The following CPNE4 variants were observed in gnomAD, a reference collection of about 807,000 sequenced individuals.
CPNE4 encodes the protein copine 4, also known as copine-4.
CPNE4 carries 25 observed loss-of-function variants against 67.9 expected under a neutral mutation model. That is an observed-to-expected ratio of 0.37 (90% CI 0.27 to 0.51). The LOEUF (loss-of-function observed/expected upper bound fraction) is 0.51, where lower values mean the gene tolerates loss of function less well. Among genes scored for constraint, CPNE4 ranks in the 20% least tolerant of loss-of-function variants. The pLI, the probability that CPNE4 is intolerant of heterozygous loss-of-function variation, is 0.93. For missense variants in CPNE4, 464 were observed against 690.8 expected (o/e 0.67, Z 3.68); for synonymous variants, 242 against 244.9 (o/e 0.99, Z 0.11).
At chr3:131,721,423 TCTTGCTCTGTCACCCAGGCTGGAGCGCA>T (rs2081883800) in intron 3 of CPNE4, among the ~76,000 whole-genome samples, 1 of 116,724 alleles carries the variant, frequency 8.6e-6, no homozygotes, top group African/African-American at 3.4e-5. Context: ...TGAGACGGAG[TCTTGCTCTGTCACCCAGGCTGGAGCGCA>T]CTGGCACGAT....
At chr3:131,911,426 C>T (rs1270332480) in intron 1 of CPNE4, among the ~76,000 whole-genome samples, 1 of 152,076 alleles carries the variant, frequency 6.6e-6, no homozygotes, top group Non-Finnish European at 1.5e-5. Flanking sequence ...GTATTTCTGA[C>T]CTACAGAAAC....
intron 1 of CPNE4, among the ~76,000 whole-genome samples, chr3:131,921,247 G>C (rs2070732914): frequency 6.6e-6 from 1 of 152,322 alleles, no homozygotes; most frequent in South Asian, 2.1e-4. Context: ...TTAACTCTCA[G>C]GTCTCTCAGA....
intron 7 of CPNE4, among the ~76,000 whole-genome samples, chr3:131,617,767 G>A (rs1414686453): frequency 1.3e-5 from 2 of 152,130 alleles, no homozygotes; most frequent in Non-Finnish European, 2.9e-5. Flanking sequence ...GTTCCATTTG[G>A]AAGGTGGGAA....
chr3:131,685,781 A>ATC, intron 6 of CPNE4, 94 bp downstream of exon 6: 1 of 734,120 alleles, frequency 1.4e-6, no homozygotes, highest in Non-Finnish European at 2.3e-6. Context: ...ACTCCACCTC[A>ATC]ACACACACAC....
In CPNE4 at chr3:131,818,936, C is replaced by T. The variant is rs930669360; in HGVS notation, c.180+86328G>A. Among the ~76,000 whole-genome samples the T allele has an allele frequency of 2.6e-5, 4 of 152,066 alleles. 1 individual carries two copies. The highest frequency in any genetic ancestry group is 2.0e-4 in the Admixed American group (3 of 15,272). ...CCGACATGGTGAAACCCCATCTCTA[C>T]TAAAAATACAAAAATTAGCCAGGTG... is the stretch of plus-strand genomic sequence containing the variant. On this transcript the variant is annotated intron_variant, in intron 2 of 15. Transcript: ENST00000429747.
At chr3:131,575,010 G>A in intron 10 of CPNE4, 61 bp downstream of exon 10, 1 of 1,420,594 alleles carries the variant, frequency 7.0e-7, no homozygotes, top group East Asian at 2.3e-5. Context: ...CAAACCCAGT[G>A]CCACCCCTCA....
At chr3:131,574,952 G>A in intron 10 of CPNE4, 119 bp downstream of exon 10, 1 of 812,286 alleles carries the variant, frequency 1.2e-6, no homozygotes. Context: ...AATGAGACTT[G>A]AACAAAGCTG....
intron 2 of CPNE4, among the ~76,000 whole-genome samples, chr3:131,827,795 GAGC>G (rs2107986357): frequency 1.3e-5 from 2 of 152,084 alleles, no homozygotes; most frequent in South Asian, 4.2e-4. Flanking sequence ...ATTAAACATG[GAGC>G]AGATCCAGAT....
Position 131,875,693 on chromosome 3 carries a change from A to AG in CPNE4, c.180+29570dup, listed in dbSNP as rs565443092. The stretch of plus-strand genomic sequence containing the variant: ...CCCAGGCCTGTCCTGGGGTGGGGGG[A>AG]GGGGGGAGGGATAGCATTAGGAGAT... On this transcript the variant is annotated intron_variant, in intron 2 of 15. Coordinates refer to ENST00000429747, the MANE Select transcript of CPNE4 (RefSeq NM_130808.3). 2.9e-3 allele frequency among the ~76,000 whole-genome samples: 395 copies of AG among 137,270 alleles called. 2 individuals are homozygous for AG. Among genetic ancestry groups the AG allele is most frequent in the African/African-American group, 9.8e-3 (372 of 38,048 alleles). 90.1% of individuals were successfully genotyped at this position (137,270 alleles called of 152,430 possible).
At chr3:132,030,311 T>C (rs951031266) in intron 1 of CPNE4, among the ~76,000 whole-genome samples, 2 of 152,174 alleles carry the variant, frequency 1.3e-5, no homozygotes, top group Non-Finnish European at 2.9e-5. Flanking sequence ...ATTTGTCAAA[T>C]TAAATTGCTA....
intron 2 of CPNE4, among the ~76,000 whole-genome samples, chr3:131,739,769 A>G (rs1448458232): frequency 6.6e-6 from 1 of 152,212 alleles, no homozygotes; most frequent in Non-Finnish European, 1.5e-5. Context: ...TCTTTACTTT[A>G]TAGGTGAGGA....
chr3:132,026,462 A>G (rs975988689), intron 1 of CPNE4, among the ~76,000 whole-genome samples: 1 of 152,224 alleles, frequency 6.6e-6, no homozygotes, highest in African/African-American at 2.4e-5. Context: ...GATCTTATGA[A>G]GCATGGACTG....
chr3:131,883,019 T>A (rs975881579), intron 2 of CPNE4, among the ~76,000 whole-genome samples: 2 of 152,134 alleles, frequency 1.3e-5, no homozygotes, highest in Non-Finnish European at 2.9e-5. Context: ...GCCAGGCCAG[T>A]TCTGCTCTAC....
intron 7 of CPNE4, among the ~76,000 whole-genome samples, chr3:131,635,704 C>T (rs1306408518): frequency 6.6e-6 from 1 of 152,122 alleles, no homozygotes; most frequent in Non-Finnish European, 1.5e-5. Context: ...ATCCTGCATA[C>T]AGACCAAACA....
chr3:131,751,525 G>A (rs547294409), intron 2 of CPNE4, among the ~76,000 whole-genome samples: 1 of 128,574 alleles, frequency 7.8e-6, no homozygotes, highest in East Asian at 2.6e-4. Flanking sequence ...CTTTGCTGAG[G>A]TTTTCATTTT....
At chr3:131,965,433 T>C (rs111987190) in intron 1 of CPNE4, among the ~76,000 whole-genome samples, 3,632 of 152,124 alleles carry the variant, frequency 0.024, 62 homozygotes, top group South Asian at 0.066. Context: ...GAGTGGAAAA[T>C]TGGATAAAGA....
intron 5 of CPNE4, among the ~76,000 whole-genome samples, chr3:131,689,827 T>G (rs1452302769): frequency 6.6e-6 from 1 of 152,138 alleles, no homozygotes; most frequent in Non-Finnish European, 1.5e-5. Context: ...AAGACTATGG[T>G]GAAAGACTCC....
rs1205440261 is a variant in CPNE4 at position 131,587,416 on chromosome 3, T to C, written c.780+68A>G. On this transcript the variant is annotated intron_variant, in intron 8 of 15. Coordinates refer to ENST00000429747, the MANE Select transcript of CPNE4 (RefSeq NM_130808.3). ...TGATGTTTTGCCTCTTGCTGTTTCA[T>C]TGGTAGCTGTGTTCTAAGGATGCAT... 35 of 976,334 alleles carry C rather than the reference T, an allele frequency of 3.6e-5. 2 individuals are homozygous for C. The highest frequency in any genetic ancestry group is 5.5e-5 in the Non-Finnish European group (33 of 604,278). The allele number at this position is 976,334 out of a possible 1,614,324, so 60.5% of individuals were successfully genotyped here.
chr3:131,840,671 G>C (rs2085740626), intron 2 of CPNE4, among the ~76,000 whole-genome samples: 1 of 152,176 alleles, frequency 6.6e-6, no homozygotes, highest in Admixed American at 6.6e-5. Context: ...TGCCATGCCA[G>C]TTGTATGTCC....
Sources: gnomAD v4.1 joint callset for allele counts (sites outside exome capture counted in the v4.1 genomes callset) on GRCh38, gnomAD v4.1.1 for gene constraint, MANE v1.5 for transcripts, NCBI Gene and HGNC (gene_info 2026-07-23, HGNC 2026-07-21) for gene names.